TMTC2: variants seen among roughly 807,000 people sequenced by gnomAD.
TMTC2 encodes the protein transmembrane O-mannosyltransferase targeting cadherins 2, also known as protein O-mannosyl-transferase TMTC2.
A neutral mutation model predicts 82.4 loss-of-function variants in TMTC2; 43 were observed. That is an observed-to-expected ratio of 0.52 (90% CI 0.41 to 0.67). The LOEUF (loss-of-function observed/expected upper bound fraction) is 0.67. TMTC2 is among the 30% of genes least tolerant of loss of function. The pLI is 0.00. For missense variants in TMTC2, 919 were observed against 1,012.4 expected, an observed-to-expected ratio of 0.91 and a Z score of 1.25; for synonymous variants, 408 against 381.9, an observed-to-expected ratio of 1.07 and a Z score of -0.80.
intron 4 of TMTC2, among the ~76,000 whole-genome samples, chr12:82,935,289 G>A (rs13377784): frequency 0.012 from 1,853 of 152,082 alleles, 29 homozygotes; most frequent in African/African-American, 0.042. Context: ...AATTTAAACA[G>A]CACTTAATTC....
At chr12:82,844,758 C>T (rs7964144) in intron 1 of TMTC2, among the ~76,000 whole-genome samples, 6,178 of 149,406 alleles carry the variant, frequency 0.041, 421 homozygotes, top group African/African-American at 0.15. Context: ...GCCGAGATCG[C>T]ATCACTGCAC....
At chr12:82,927,813 ATTTTTTAGCAACAAAGTAT>A (rs1177731818) in intron 3 of TMTC2, among the ~76,000 whole-genome samples, 4 of 152,208 alleles carry the variant, frequency 2.6e-5, no homozygotes, top group Non-Finnish European at 4.4e-5. Flanking sequence ...GATTGTTAGC[ATTTTTTAGCAACAAAGTAT>A]TTTTTAATTA....
chr12:82,929,619 A>G (rs1040851667), intron 3 of TMTC2, among the ~76,000 whole-genome samples: 1 of 152,078 alleles, frequency 6.6e-6, no homozygotes, highest in Admixed American at 6.6e-5. Flanking sequence ...CCTTCTTCTC[A>G]TCCTCATCAT....
At chr12:82,982,938 A>G (rs1221212020) in intron 7 of TMTC2, among the ~76,000 whole-genome samples, 1 of 152,018 alleles carries the variant, frequency 6.6e-6, no homozygotes, top group Non-Finnish European at 1.5e-5. Flanking sequence ...TTAAAATCCA[A>G]ATAGTGACAT....
chr12:82,997,368 G>GTATATATATATGTGTGTATA (rs1354293086), intron 8 of TMTC2, among the ~76,000 whole-genome samples: 11 of 35,470 alleles, frequency 3.1e-4, no homozygotes, highest in African/African-American at 8.7e-4. Context: ...ATATATATGT[G>GTATATATATATGTGTGTATA]TATATATATA....
chr12:82,796,369 T>C (rs951712442), intron 1 of TMTC2, among the ~76,000 whole-genome samples: 1 of 152,150 alleles, frequency 6.6e-6, no homozygotes, highest in Non-Finnish European at 1.5e-5. Flanking sequence ...AAGGCTCTCA[T>C]GGTAAATTGA....
intron 1 of TMTC2, among the ~76,000 whole-genome samples, chr12:82,706,764 A>G (rs1873379124): frequency 6.6e-6 from 1 of 152,198 alleles, no homozygotes; most frequent in Admixed American, 6.5e-5. Context: ...AGAGAGGTTT[A>G]AGACTATTCT....
chr12:82,878,583 C>G (rs1044398960), intron 2 of TMTC2, among the ~76,000 whole-genome samples: 1 of 152,024 alleles, frequency 6.6e-6, no homozygotes, highest in African/African-American at 2.4e-5. Context: ...GACTTTGAAA[C>G]AGTAAAGATA....
At chr12:83,047,628 T>C (rs1161768969) in intron 9 of TMTC2, among the ~76,000 whole-genome samples, 1 of 152,228 alleles carries the variant, frequency 6.6e-6, no homozygotes, top group Non-Finnish European at 1.5e-5. Flanking sequence ...ACTGATGTGT[T>C]GTGATATTGT....
At chr12:82,703,499 T>A (rs1321188377) in intron 1 of TMTC2, among the ~76,000 whole-genome samples, 1 of 93,936 alleles carries the variant, frequency 1.1e-5, no homozygotes, top group African/African-American at 4.7e-5. Flanking sequence ...AGTTTCTTTC[T>A]TTTTTTTTTT....
intron 3 of TMTC2, among the ~76,000 whole-genome samples, chr12:82,924,156 T>G (rs909614740): frequency 6.6e-6 from 1 of 152,184 alleles, no homozygotes; most frequent in Non-Finnish European, 1.5e-5. Context: ...GAAGTAAAAG[T>G]TGGCTTAACT....
chr12:82,743,523 A>G (rs887750232), intron 1 of TMTC2, among the ~76,000 whole-genome samples: 7 of 151,964 alleles, frequency 4.6e-5, no homozygotes, highest in Admixed American at 1.3e-4. Flanking sequence ...TACTCAATAA[A>G]TAATTTATTA....
chr12:82,906,514 A>C (rs532906254), intron 3 of TMTC2, among the ~76,000 whole-genome samples: 1 of 152,022 alleles, frequency 6.6e-6, no homozygotes, highest in Non-Finnish European at 1.5e-5. Context: ...AAAATACAAA[A>C]ATTAGCCGGG....
chr12:83,023,351 A>G (rs766600716), intron 8 of TMTC2, among the ~76,000 whole-genome samples: 4 of 152,326 alleles, frequency 2.6e-5, no homozygotes, highest in Middle Eastern at 3.4e-3. Context: ...CTCATGTAAC[A>G]TATCTGGCTC....
intron 11 of TMTC2, among the ~76,000 whole-genome samples, chr12:83,109,379 G>A (rs1005997190): frequency 6.6e-6 from 1 of 152,090 alleles, no homozygotes. Flanking sequence ...CTCCCACCAG[G>A]CCCTACCTCC....
rs746340214 is a variant in TMTC2, at chr12:82,857,265, A to G, written c.339A>G (p.Gly113=). The change falls in exon 2 of 12, where the codon GGA becomes GGG. Residue 113 remains glycine, a synonymous_variant. Coordinates refer to ENST00000321196, the MANE Select transcript of TMTC2 (RefSeq NM_152588.3). ...TSFSKILLGD[G]YWTFMAGLMF... The stretch of plus-strand genomic sequence containing the variant: ...TCTCCAAGATCCTCCTTGGTGATGG[A>G]TACTGGACATTCATGGCTGGCTTGA... 6.2e-7 allele frequency: 1 copy of G among 1,614,100 alleles called. No homozygotes were observed. Among genetic ancestry groups the G allele is most frequent in the Non-Finnish European group, 8.5e-7 (1 of 1,180,022 alleles).
At chr12:82,790,493 G>T (rs926275222) in intron 1 of TMTC2, among the ~76,000 whole-genome samples, 3 of 151,982 alleles carry the variant, frequency 2.0e-5, no homozygotes, top group African/African-American at 7.2e-5. Context: ...GATTTTCCTG[G>T]GAAGAAGTAA....
At chr12:82,997,806 G>T (rs1879733573) in intron 8 of TMTC2, among the ~76,000 whole-genome samples, 1 of 151,596 alleles carries the variant, frequency 6.6e-6, no homozygotes, top group African/African-American at 2.4e-5. Context: ...CCAAATTAGT[G>T]TGAGGAAAGA....
chr12:82,955,512 G>T, intron 4 of TMTC2, among the ~76,000 whole-genome samples: 1 of 152,112 alleles, frequency 6.6e-6, no homozygotes, highest in East Asian at 1.9e-4. Context: ...TGGGAGAAAA[G>T]ATGGGCAAAA....
Sources: gnomAD v4.1 joint callset for allele counts (sites outside exome capture counted in the v4.1 genomes callset) on GRCh38, gnomAD v4.1.1 for gene constraint, MANE v1.5 for transcripts, NCBI Gene and HGNC (gene_info 2026-07-23, HGNC 2026-07-21) for gene names.